ADGRG2: variants seen among roughly 807,000 people sequenced by gnomAD.
ADGRG2 encodes the protein adhesion G protein-coupled receptor G2.
ADGRG2 carries 26 observed loss-of-function variants against 74.1 expected under a neutral mutation model. The observed-to-expected ratio is 0.35, with a 90% confidence interval of 0.26 to 0.49. The LOEUF (loss-of-function observed/expected upper bound fraction) is 0.49. Among genes scored for constraint, ADGRG2 ranks in the 20% least tolerant of loss-of-function variants. The probability of loss-of-function intolerance (pLI) is 0.99; values close to 1 mark genes in which losing one functional copy is unlikely to be tolerated. For missense variants in ADGRG2, 619 were observed against 763.1 expected (o/e 0.81, Z 2.22); for synonymous variants, 296 against 295.2 (o/e 1.00, Z -0.03).
chrX:19,004,801 A>C lies in ADGRG2; in HGVS notation c.1918T>G (p.Ser640Ala), dbSNP rs147964060. Residue 640 changes from serine (S) to alanine (A), a missense_variant, in exon 23 of 29, where the codon TCA becomes GCA. By Grantham distance (99) the Ser-to-Ala change is moderately conservative. Coordinates refer to ENST00000379869, the MANE Select transcript of ADGRG2 (RefSeq NM_001079858.3). ...FITYIGCGLS[S>A]IFLSVTLVTY... is the part of the protein sequence containing the mutation. ...ACAAGAGTCACTGACAGAAAAATTG[A>C]TGAAAGCCCACAACCAATATATGTA... is the stretch of plus-strand genomic sequence containing the variant. The C allele has an allele frequency of 2.5e-6, 3 of 1,204,949 alleles. No individual in the cohort carries two copies. The African/African-American group carries it at 5.2e-5, about 21-fold the overall frequency.
chrX:19,078,347 C>T (rs1180019272), intron 2 of ADGRG2, among the ~76,000 whole-genome samples: 6 of 111,157 alleles, frequency 5.4e-5, no homozygotes, highest in African/African-American at 1.6e-4. Flanking sequence ...CCCAGGAGTT[C>T]GAGCCCAGCC....
At chrX:19,100,877 C>T (rs765337287) in intron 1 of ADGRG2, among the ~76,000 whole-genome samples, 11 of 113,129 alleles carry the variant, frequency 9.7e-5, no homozygotes, top group Admixed American at 6.5e-4. Context: ...GGAAGAAAAG[C>T]GATGGCAAAT....
At chrX:18,995,959 TG>T (rs774857736) in intron 27 of ADGRG2, 91 bp downstream of exon 27, 2 of 485,682 alleles carry the variant, frequency 4.1e-6, no homozygotes, top group East Asian at 7.1e-5. Flanking sequence ...TGGAATTCAC[TG>T]ATTTCTAGAT....
chrX:18,993,278 G>A (rs973206337), intron 28 of ADGRG2, among the ~76,000 whole-genome samples: 1 of 111,025 alleles, frequency 9.0e-6, no homozygotes, highest in African/African-American at 3.3e-5. Flanking sequence ...TAGAGTCCAG[G>A]GATCCTGCTA....
intron 3 of ADGRG2, among the ~76,000 whole-genome samples, chrX:19,068,150 C>CAA (rs1403097026): frequency 8.9e-6 from 1 of 112,090 alleles, no homozygotes; most frequent in East Asian, 2.8e-4. Context: ...AGCAGGGACT[C>CAA]AAATAGTGAT....
At position 19,066,445 on chromosome X, in the gene ADGRG2, C is replaced by CTTT. The variant is rs1225489257; in HGVS notation, c.118+2269_118+2271dup. Among the ~76,000 whole-genome samples, 92 of 39,943 alleles carry CTTT rather than the reference C, an allele frequency of 2.3e-3. 15 individuals are homozygous for CTTT. The highest frequency in any genetic ancestry group is 6.3e-3 in the African/African-American group (56 of 8,935). 34.7% of individuals were successfully genotyped at this position (39,943 alleles called of 115,157 possible). ...AGTCCCATTCCTAATGAGGATGCTT[C>CTTT]TTTTTTTTTTTTTTTTTTTTTTTTT... On this transcript the variant is annotated intron_variant, in intron 3 of 28. Transcript: ENST00000379869.
chrX:18,993,829 G>T (rs1344885602), intron 28 of ADGRG2, among the ~76,000 whole-genome samples: 1 of 111,947 alleles, frequency 8.9e-6, no homozygotes, highest in Non-Finnish European at 1.9e-5. Context: ...AATGAATACA[G>T]GCAAATTCTC....
intron 1 of ADGRG2, among the ~76,000 whole-genome samples, chrX:19,115,029 A>C (rs1016614560): frequency 1.8e-5 from 2 of 111,944 alleles, no homozygotes; most frequent in African/African-American, 6.5e-5. Context: ...TGCTCAGTAA[A>C]TATTAGCTAT....
At chrX:19,019,047 G>A (rs900838324) in intron 15 of ADGRG2, among the ~76,000 whole-genome samples, 4 of 111,323 alleles carry the variant, frequency 3.6e-5, no homozygotes, top group East Asian at 2.8e-4. Flanking sequence ...GGGTTTCACC[G>A]TGTTAGCCGG....
chrX:19,079,829 T>C (rs754398121), intron 2 of ADGRG2, among the ~76,000 whole-genome samples: 1 of 111,754 alleles, frequency 8.9e-6, no homozygotes, highest in South Asian at 3.7e-4. Flanking sequence ...ACGTGCAAGA[T>C]TAGAACTAAA....
Position 19,110,085 on chromosome X carries a change from G to T in ADGRG2, c.-47+12357C>A, listed in dbSNP as rs752508431. Reference sequence around the variant, plus strand: ...GAGAATCATGCATGAAGGATTAAATGTATCATTTATTCATCAAATATTTAT... The same window carrying T: ...GAGAATCATGCATGAAGGATTAAATTTATCATTTATTCATCAAATATTTAT... On this transcript the variant is annotated intron_variant, in intron 1 of 28. Coordinates refer to ENST00000379869, the MANE Select transcript of ADGRG2 (RefSeq NM_001079858.3). Among the ~76,000 whole-genome samples, 4 of 111,704 alleles carry T rather than the reference G, an allele frequency of 3.6e-5. No homozygotes were observed. In the South Asian group the frequency reaches 1.5e-3, roughly 42 times the overall value.
At chrX:19,107,946 A>G (rs1322270250) in intron 1 of ADGRG2, among the ~76,000 whole-genome samples, 1 of 106,266 alleles carries the variant, frequency 9.4e-6, no homozygotes, top group Non-Finnish European at 1.9e-5. Flanking sequence ...TAAAAATACA[A>G]AAAATTAGCC....
intron 1 of ADGRG2, among the ~76,000 whole-genome samples, chrX:19,118,294 G>A (rs769246704): frequency 1.6e-4 from 18 of 112,769 alleles, no homozygotes; most frequent in Non-Finnish European, 3.4e-4. Context: ...TGGCTTGAAT[G>A]TAAGATAAAT....
intron 28 of ADGRG2, 137 bp downstream of exon 28, chrX:18,994,759 G>A: frequency 2.7e-6 from 1 of 367,935 alleles, no homozygotes; most frequent in Non-Finnish European, 4.6e-6. Context: ...TCTTCTGTAA[G>A]GGAACCACAT....
chrX:19,032,054 T>C (rs1417609654), intron 8 of ADGRG2: 2 of 112,404 alleles, frequency 1.8e-5, no homozygotes, highest in Non-Finnish European at 3.8e-5. Context: ...TTTATTTCCA[T>C]TGCACATTAC....
At position 19,010,765 on chromosome X, in the gene ADGRG2, G is replaced by A. The variant is rs1414709900; in HGVS notation, c.1113C>T (p.Thr371=). The change falls in exon 17 of 29, where the codon ACC becomes ACT. Residue 371 remains threonine (T), a synonymous_variant. Coordinates refer to ENST00000379869, the MANE Select transcript of ADGRG2 (RefSeq NM_001079858.3). ...GGTTCTCAAGATCAGAAATACTGCTGGTGTTGACGATGTCTATATCAAAGA... is the reference window on the plus strand; with the variant it reads ...GGTTCTCAAGATCAGAAATACTGCTAGTGTTGACGATGTCTATATCAAAGA... ...APPVQTDIVN[T]SSISDLENQV... 1.7e-6 allele frequency: 2 copies of A among 1,192,369 alleles called. No individual in the cohort carries two copies. The highest frequency in any genetic ancestry group is 2.3e-6 in the Non-Finnish European group (2 of 883,921).
chrX:19,091,042 C>T (rs1456646131), intron 1 of ADGRG2, among the ~76,000 whole-genome samples: 6 of 110,750 alleles, frequency 5.4e-5, no homozygotes, highest in South Asian at 7.7e-4. Context: ...AAGGAAAGAC[C>T]GTATCAAGTA....
intron 12 of ADGRG2, among the ~76,000 whole-genome samples, 161 bp from the exon 13 acceptor site, chrX:19,023,614 C>T (rs181813584): frequency 5.9e-4 from 66 of 112,090 alleles, no homozygotes; most frequent in African/African-American, 2.0e-3. Context: ...ATATCATCAA[C>T]GCTCTTCAGG....
intron 17 of ADGRG2, among the ~76,000 whole-genome samples, chrX:19,010,011 A>G (rs181340159): frequency 5.0e-4 from 55 of 110,835 alleles, no homozygotes; most frequent in African/African-American, 1.7e-3. Flanking sequence ...GGGTTTCACC[A>G]TGTTGGCCAG....
Sources: allele counts gnomAD v4.1 joint callset (sites outside exome capture counted in the v4.1 genomes callset), GRCh38; gene constraint gnomAD v4.1.1; transcripts MANE v1.5; gene names NCBI Gene and HGNC (gene_info 2026-07-23, HGNC 2026-07-21).